The following PSD2 variants were observed in gnomAD, a reference collection of about 807,000 sequenced individuals.
PSD2 encodes the protein PH and SEC7 domain-containing protein 2.
PSD2 carries 38 observed loss-of-function variants against 69.8 expected under a neutral mutation model. The observed-to-expected ratio is 0.54, with a 90% confidence interval of 0.42 to 0.71. The LOEUF (loss-of-function observed/expected upper bound fraction) is 0.71, where lower values mean the gene tolerates loss of function less well. Ranked by LOEUF, PSD2 falls within the 30% of genes least tolerant of loss-of-function variation. The probability of loss-of-function intolerance (pLI) is 0.00; values close to 1 mark genes in which losing one functional copy is unlikely to be tolerated. For missense variants in PSD2, 943 were observed against 1,014.5 expected (o/e 0.93, Z 0.96); for synonymous variants, 412 against 423.0 (o/e 0.97, Z 0.32).
At chr5:139,826,408 T>C (rs73269466) in intron 7 of PSD2, among the ~76,000 whole-genome samples, 15,769 of 152,180 alleles carry the variant, frequency 0.1, 921 homozygotes, top group African/African-American at 0.17. Flanking sequence ...GAAGCTTCCC[T>C]TGAGATGAGA....
intron 1 of PSD2, among the ~76,000 whole-genome samples, chr5:139,801,211 A>G (rs1032488044): frequency 2.0e-5 from 3 of 151,902 alleles, no homozygotes; most frequent in African/African-American, 7.3e-5. Flanking sequence ...TCTCAAAAAA[A>G]AAAAAAAAGA....
At chr5:139,766,614 A>C in the PSD2 span, among the ~76,000 whole-genome samples, 25 of 152,352 alleles carry the variant, frequency 1.6e-4, no homozygotes, top group African/African-American at 6.0e-4. Flanking sequence ...TTTTGTGCCC[A>C]TTCCAGCAGC....
the PSD2 span, among the ~76,000 whole-genome samples, chr5:139,750,651 C>T: frequency 2.0e-5 from 3 of 152,166 alleles, no homozygotes; most frequent in Non-Finnish European, 4.4e-5. Flanking sequence ...GGCCCAAGCC[C>T]CTCCCACCCC....
At chr5:139,789,291 C>T in the PSD2 span, among the ~76,000 whole-genome samples, 3 of 152,162 alleles carry the variant, frequency 2.0e-5, no homozygotes, top group African/African-American at 4.8e-5. Context: ...CAGACAGTCA[C>T]GACACAGTAT....
chr5:139,765,717 C>T, the PSD2 span, among the ~76,000 whole-genome samples: 2 of 152,098 alleles, frequency 1.3e-5, no homozygotes, highest in African/African-American at 4.8e-5. Flanking sequence ...CCAAGGCCGT[C>T]TTCTTACAAG....
intron 2 of PSD2, 83 bp from the exon 3 acceptor site, chr5:139,813,226 C>A: frequency 8.2e-7 from 1 of 1,213,380 alleles, no homozygotes; most frequent in African/African-American, 1.5e-5. Flanking sequence ...CCAGGGGGCT[C>A]CCAGACACAG....
At chr5:139,780,033 G>A in the PSD2 span, among the ~76,000 whole-genome samples, 1 of 152,154 alleles carries the variant, frequency 6.6e-6, no homozygotes, top group Admixed American at 6.5e-5. Context: ...TTTTTCTTGG[G>A]GACTCGAGTG....
At chr5:139,834,466 C>CTT (rs111907193) in intron 8 of PSD2, among the ~76,000 whole-genome samples, 16 of 140,142 alleles carry the variant, frequency 1.1e-4, no homozygotes, top group African/African-American at 3.1e-4. Context: ...TATTTTTATG[C>CTT]TTTTTTTTTT....
At chr5:139,748,907 TG>T in the PSD2 span, among the ~76,000 whole-genome samples, 2 of 146,942 alleles carry the variant, frequency 1.4e-5, no homozygotes, top group Admixed American at 6.7e-5. Flanking sequence ...TGGGGTATGT[TG>T]GGGGGGGTGA....
chr5:139,835,455 A>T (rs1441559948), intron 8 of PSD2, among the ~76,000 whole-genome samples: 1 of 152,228 alleles, frequency 6.6e-6, no homozygotes, highest in Non-Finnish European at 1.5e-5. Flanking sequence ...GAAATTCAGT[A>T]GTGAACAAAT....
At chr5:139,826,435 G>A (rs1311157915) in intron 7 of PSD2, among the ~76,000 whole-genome samples, 1 of 152,200 alleles carries the variant, frequency 6.6e-6, no homozygotes, top group Non-Finnish European at 1.5e-5. Context: ...GCACAGGTGG[G>A]AAGTGGCCTT....
intron 4 of PSD2, among the ~76,000 whole-genome samples, chr5:139,816,501 G>T (rs994935617): frequency 6.6e-6 from 1 of 152,180 alleles, no homozygotes; most frequent in African/African-American, 2.4e-5. Context: ...TTGTCCTAAA[G>T]AATGTTCCAC....
chr5:139,752,094 G>A, the PSD2 span, among the ~76,000 whole-genome samples: 9 of 152,064 alleles, frequency 5.9e-5, no homozygotes, highest in African/African-American at 1.7e-4. Flanking sequence ...CACCCAGCCA[G>A]TCCAGCCTCT....
Position 139,837,006 on chromosome 5 carries a change from G to A in PSD2, c.1594+5G>A, listed in dbSNP as rs1487495895. Reference sequence around the variant, plus strand: ...CTGACATGGATGGCAAGAGGAGTGGGTGTCAGGCTGGGAGAGGGGCATGGG... The same window carrying A: ...CTGACATGGATGGCAAGAGGAGTGGATGTCAGGCTGGGAGAGGGGCATGGG... On this transcript the variant is annotated splice_donor_5th_base_variant and intron_variant, in intron 10 of 14. Coordinates refer to ENST00000274710, the MANE Select transcript of PSD2 (RefSeq NM_032289.4). This position sits in a 1 kb window ranked among gnomAD's most constrained non-coding sequence, Gnocchi z 5.0. 6.2e-7 allele frequency: 1 copy of A among 1,610,074 alleles called. No individual in the cohort carries two copies. Among genetic ancestry groups the A allele is most frequent in the African/African-American group, 1.3e-5 (1 of 74,880 alleles).
rs764982748 is a variant in PSD2 at position 139,822,779 on chromosome 5, G to A, written c.1264G>A (p.Gly422Ser). Reference sequence around the variant, plus strand: ...GATGCTGCTCAACACGGACCTGCACGGCCACGTGAGTTGGGGAGGTGACGG... The same window carrying A: ...GATGCTGCTCAACACGGACCTGCACAGCCACGTGAGTTGGGGAGGTGACGG... ...ALMLLNTDLH[G>S]HNIGKKMSCQ... Residue 422 changes from glycine (G) to serine (S), a missense_variant, in exon 7 of 15, where the codon GGC (glycine) becomes AGC (serine). Physicochemically the swap from Gly to Ser is moderately conservative, Grantham distance 56. Coordinates refer to ENST00000274710, the MANE Select transcript of PSD2 (RefSeq NM_032289.4). The A allele has an allele frequency of 7.5e-6, 12 of 1,606,760 alleles. No homozygotes were observed. Among genetic ancestry groups the A allele is most frequent in the East Asian group, 4.5e-5 (2 of 44,214 alleles).
the PSD2 span, among the ~76,000 whole-genome samples, chr5:139,767,926 C>T: frequency 2.6e-5 from 4 of 152,216 alleles, no homozygotes; most frequent in African/African-American, 9.6e-5. Flanking sequence ...TAGTGCCTGA[C>T]CCCAGGGCAC....
chr5:139,832,002 G>A (rs886687856), intron 7 of PSD2, among the ~76,000 whole-genome samples: 1 of 152,014 alleles, frequency 6.6e-6, no homozygotes, highest in African/African-American at 2.4e-5. Flanking sequence ...CAGGTGCTTC[G>A]GGGAGGAATG....
At chr5:139,840,224 C>A in intron 14 of PSD2, 54 bp downstream of exon 14, 1 of 1,594,608 alleles carries the variant, frequency 6.3e-7, no homozygotes, top group South Asian at 1.1e-5. Flanking sequence ...TTTCTCCTTC[C>A]TGCCTGGCCT....
chr5:139,837,694 C>G lies in PSD2; in HGVS notation c.1735C>G (p.Leu579Val), dbSNP rs374935611. 6.8e-6 allele frequency: 11 copies of G among 1,613,982 alleles called. No homozygotes were observed. Among genetic ancestry groups the G allele is most frequent in the East Asian group, 6.7e-5 (3 of 44,884 alleles). Residue 579 changes from leucine to valine, a missense_variant, in exon 12 of 15, where the codon CTG becomes GTG. Leu to Val is a conservative substitution (Grantham distance 32). Transcript: ENST00000274710. This position sits in a 1 kb window ranked among gnomAD's most constrained non-coding sequence, Gnocchi z 5.0. ...GAACGCCATTCGCGTGCATCACGCT[C>G]TGGCCACCAGGGCCTCTGACTACAG... ...LKNAIRVHHA[L>V]ATRASDYSKK...
Sources: allele counts gnomAD v4.1 joint callset (sites outside exome capture counted in the v4.1 genomes callset), GRCh38; gene constraint gnomAD v4.1.1; non-coding constraint Gnocchi (gnomAD v3.1); transcripts MANE v1.5; gene names NCBI Gene and HGNC (gene_info 2026-07-23, HGNC 2026-07-21).